FBP1: variants seen among roughly 807,000 people sequenced by gnomAD.
FBP1 encodes the protein fructose-bisphosphatase 1.
A neutral mutation model predicts 29.9 loss-of-function variants in FBP1; 22 were observed. The ratio of observed to expected loss-of-function variants is 0.74; its 90% CI spans 0.53 to 1.05. FBP1 has a LOEUF of 1.05. Ranked by LOEUF, FBP1 falls within the 50% of genes least tolerant of loss-of-function variation. FBP1 has a pLI of 0.00. For synonymous variants in FBP1, 175 were observed against 178.6 expected, an observed-to-expected ratio of 0.98 and a Z score of 0.16; for missense variants, 345 against 448.2, an observed-to-expected ratio of 0.77 and a Z score of 2.08.
chr9:94,626,083 C>T (rs912143740), intron 1 of FBP1, among the ~76,000 whole-genome samples: 1 of 152,318 alleles, frequency 6.6e-6, no homozygotes, highest in Admixed American at 6.5e-5. Context: ...TTCTTGGGAA[C>T]GCCTCTTCTC....
rs1264279327 is a variant in FBP1 at position 94,617,866 on chromosome 9, C to T, written c.334-6G>A. 1 of 1,605,020 alleles carries T rather than the reference C, an allele frequency of 6.2e-7. No homozygotes were observed. Among genetic ancestry groups the T allele is most frequent in the South Asian group, 1.1e-5 (1 of 90,914 alleles). On this transcript the variant is annotated splice_polypyrimidine_tract_variant and splice_region_variant and intron_variant, in intron 2 of 6. Coordinates refer to ENST00000375326, the MANE Select transcript of FBP1 (RefSeq NM_000507.4). ...AAACAGACCACATATTTACCCTGAG[C>T]ACAGAAAAAAGAAATACAACCTTAA... is the stretch of plus-strand genomic sequence containing the variant.
intron 1 of FBP1, among the ~76,000 whole-genome samples, chr9:94,629,664 G>T (rs183586188): frequency 1.4e-4 from 21 of 152,180 alleles, no homozygotes; most frequent in African/African-American, 5.1e-4. Flanking sequence ...AGGGGGGAGG[G>T]TCTAGTCTCT....
At chr9:94,631,489 T>C (rs1349886288) in intron 1 of FBP1, among the ~76,000 whole-genome samples, 1 of 152,238 alleles carries the variant, frequency 6.6e-6, no homozygotes, top group Non-Finnish European at 1.5e-5. Flanking sequence ...CCATGGACTT[T>C]GTGACACTGA....
intron 1 of FBP1, among the ~76,000 whole-genome samples, chr9:94,621,398 A>AAAAAAAAAATATATATATATATATATAT (rs58726402): frequency 6.8e-6 from 1 of 146,158 alleles, no homozygotes; most frequent in African/African-American, 2.6e-5. Context: ...TCCGTCTAAA[A>AAAAAAAAAATATATATATATATATATAT]ATATATATAT....
chr9:94,639,084 G>A (rs1412066502), intron 1 of FBP1, 57 bp downstream of exon 1: 1 of 1,536,846 alleles, frequency 6.5e-7, no homozygotes, highest in Non-Finnish European at 8.8e-7. Context: ...CAGCCCGCCG[G>A]GCAGGCTCCC....
intron 6 of FBP1, 117 bp downstream of exon 6, chr9:94,605,340 A>G: frequency 9.8e-7 from 1 of 1,025,100 alleles, no homozygotes; most frequent in East Asian, 2.6e-5. Flanking sequence ...CTACAGACAC[A>G]CGTAGCAACC....
At chr9:94,628,152 C>G (rs748688481) in intron 1 of FBP1, among the ~76,000 whole-genome samples, 1 of 152,176 alleles carries the variant, frequency 6.6e-6, no homozygotes, top group Non-Finnish European at 1.5e-5. Context: ...TTTGGGAGGC[C>G]AAGGCATGTG....
chr9:94,628,856 A>G (rs1828062890), intron 1 of FBP1, among the ~76,000 whole-genome samples: 1 of 152,242 alleles, frequency 6.6e-6, no homozygotes, highest in African/African-American at 2.4e-5. Flanking sequence ...TGATGAGGAA[A>G]CACTAATCAT....
intron 1 of FBP1, among the ~76,000 whole-genome samples, chr9:94,629,284 G>GT (rs767581052): frequency 6.6e-6 from 1 of 151,958 alleles, no homozygotes; most frequent in Admixed American, 6.6e-5. Context: ...CTGGCCAAAG[G>GT]TTTTTTTTAA....
chr9:94,605,328 T>C (rs1827680318), intron 6 of FBP1, 129 bp downstream of exon 6: 1 of 912,224 alleles, frequency 1.1e-6, no homozygotes, highest in Non-Finnish European at 1.7e-6. Flanking sequence ...CAAAAGAATA[T>C]GCTACAGACA....
At chr9:94,639,049 G>T in intron 1 of FBP1, 92 bp downstream of exon 1, 3 of 1,246,060 alleles carry the variant, frequency 2.4e-6, no homozygotes, top group Non-Finnish European at 3.4e-6. Flanking sequence ...GAGGCTGACG[G>T]CAGGAGGCTC....
intron 1 of FBP1, 76 bp downstream of exon 1, chr9:94,639,065 G>A: frequency 1.4e-6 from 2 of 1,432,830 alleles, no homozygotes; most frequent in African/African-American, 1.4e-5. Flanking sequence ...GGCTCAGAGG[G>A]CCCAACGTCA....
chr9:94,612,549 A>ACTTTTTTTTT lies in FBP1; in HGVS notation c.427-2489_427-2488insAAAAAAAAAG, dbSNP rs1284753726. Among the ~76,000 whole-genome samples the ACTTTTTTTTT allele has an allele frequency of 2.8e-5, 3 of 108,028 alleles. 1 individual carries two copies. Among genetic ancestry groups the ACTTTTTTTTT allele is most frequent in the African/African-American group, 3.4e-5 (1 of 29,000 alleles). 70.9% of individuals were successfully genotyped at this position (108,028 alleles called of 152,430 possible). ...GAATTCTTTTCTAGCCCAGCCCCCA[A>ACTTTTTTTTT]TTTTTTTTTTTTTTTTTTTTTTTTT... On this transcript the variant is annotated intron_variant, in intron 3 of 6. Transcript: ENST00000375326.
intron 1 of FBP1, among the ~76,000 whole-genome samples, chr9:94,634,083 C>A (rs1401536151): frequency 6.6e-6 from 1 of 150,852 alleles, no homozygotes; most frequent in East Asian, 2.0e-4. Context: ...CACCTGAGGT[C>A]AGGAGTTTGA....
At chr9:94,638,354 A>T (rs1267119633) in intron 1 of FBP1, among the ~76,000 whole-genome samples, 1 of 152,150 alleles carries the variant, frequency 6.6e-6, no homozygotes, top group Non-Finnish European at 1.5e-5. Flanking sequence ...AAGATCCCCA[A>T]ATGATTCCTG....
chr9:94,609,440 A>G (rs2993959), intron 4 of FBP1, among the ~76,000 whole-genome samples: 56,359 of 152,092 alleles, frequency 0.37, 10,729 homozygotes, highest in East Asian at 0.54. Context: ...TAGTTGGCCA[A>G]CATAGTGTTG....
At chr9:94,606,739 G>A in intron 5 of FBP1, 76 bp downstream of exon 5, 4 of 1,456,308 alleles carry the variant, frequency 2.7e-6, no homozygotes, top group Non-Finnish European at 3.8e-6. Context: ...ATCTCCGGGG[G>A]ATGCCCCTGC....
chr9:94,619,980 G>T (rs144422201), intron 2 of FBP1, among the ~76,000 whole-genome samples: 1 of 152,012 alleles, frequency 6.6e-6, no homozygotes, highest in Non-Finnish European at 1.5e-5. Context: ...TCAACAGGAG[G>T]GTCAGTGTGA....
chr9:94,639,180 G>T lies in FBP1; in HGVS notation c.131C>A (p.Ala44Asp), dbSNP rs1290985405. Reference sequence around the variant, plus strand: ...CGCCTTGCGCACCGCCGAAGAGATGGCTTTGACTGCTGTGCAGAGCGAGTT... The same window carrying T: ...CGCCTTGCGCACCGCCGAAGAGATGTCTTTGACTGCTGTGCAGAGCGAGTT... ...LLNSLCTAVKAISSAVRKAGI... is the reference protein window; with the variant it reads ...LLNSLCTAVKDISSAVRKAGI... Residue 44 changes from alanine (A) to aspartate (D), a missense_variant, in exon 1 of 7, where the codon GCC (alanine) becomes GAC (aspartate). Coordinates refer to ENST00000375326, the MANE Select transcript of FBP1 (RefSeq NM_000507.4). 5.6e-6 allele frequency: 9 copies of T among 1,605,758 alleles called. No homozygotes were observed. Among genetic ancestry groups the T allele is most frequent in the Admixed American group, 5.1e-5 (3 of 58,892 alleles).
Sources: gnomAD v4.1 joint callset for allele counts (sites outside exome capture counted in the v4.1 genomes callset) on GRCh38, gnomAD v4.1.1 for gene constraint, MANE v1.5 for transcripts, NCBI Gene and HGNC (gene_info 2026-07-23, HGNC 2026-07-21) for gene names.